The following FBN2 variants were observed in gnomAD, a reference collection of about 807,000 sequenced individuals.
FBN2 encodes the protein fibrillin 2.
Under a neutral mutation model 355.6 loss-of-function variants are expected in FBN2, and 105 were observed. The observed-to-expected ratio is 0.30, with a 90% CI of 0.25 to 0.35. The LOEUF (loss-of-function observed/expected upper bound fraction) is 0.35, where lower values mean the gene tolerates loss of function less well. Among genes scored for constraint, FBN2 ranks in the 10% least tolerant of loss-of-function variants. The pLI is 1.00. For missense variants in FBN2, 3,280 were observed against 3,758.7 expected (o/e 0.87, Z 3.33); for synonymous variants, 1,350 against 1,301.2 (o/e 1.04, Z -0.81).
chr5:128,328,651 G>A, intron 34 of FBN2, 45 bp downstream of exon 34: 1 of 1,609,718 alleles, frequency 6.2e-7, no homozygotes. Flanking sequence ...TTCATTTACT[G>A]TGGTTGATCC....
chr5:128,280,379 C>T (rs1765504237), intron 55 of FBN2, 62 bp from the exon 56 acceptor site: 4 of 1,288,532 alleles, frequency 3.1e-6, no homozygotes, highest in East Asian at 4.6e-5. Flanking sequence ...TACAAGCTAT[C>T]TTCTAATGGG....
chr5:128,338,739 G>A (rs538618293), intron 26 of FBN2, among the ~76,000 whole-genome samples, 194 bp downstream of exon 26: 72 of 152,256 alleles, frequency 4.7e-4, no homozygotes, highest in African/African-American at 1.0e-3. Flanking sequence ...CCATGAAGGC[G>A]CCAAGAGGTT....
In FBN2 at chr5:128,334,712, A is replaced by C. The variant is rs1750789192; in HGVS notation, c.4099+7T>G. 3.1e-6 allele frequency: 5 copies of C among 1,614,110 alleles called. No individual in the cohort carries two copies. Among genetic ancestry groups the C allele is most frequent in the Non-Finnish European group, 4.2e-6 (5 of 1,179,974 alleles). On this transcript the variant is annotated splice_region_variant and intron_variant, in intron 31 of 64. Transcript: ENST00000262464. ...TGAAATACAGAGAACACAAGCTTGA[A>C]ACCTACCTGTACATCCTGTGGTCCC...
intron 36 of FBN2, among the ~76,000 whole-genome samples, chr5:128,317,930 C>A (rs1024788076): frequency 3.9e-5 from 6 of 152,170 alleles, no homozygotes; most frequent in African/African-American, 1.2e-4. Flanking sequence ...AGCTCTGAGA[C>A]CTTGAACAAA....
intron 5 of FBN2, among the ~76,000 whole-genome samples, chr5:128,518,869 C>T (rs1235404498): frequency 6.6e-6 from 1 of 152,194 alleles, no homozygotes; most frequent in East Asian, 1.9e-4. Context: ...AAATGTTATA[C>T]ATTTCCTTAT....
intron 24 of FBN2, 132 bp from the exon 25 acceptor site, chr5:128,344,642 C>T: frequency 1.3e-6 from 1 of 775,620 alleles, no homozygotes; most frequent in Non-Finnish European, 2.3e-6. Flanking sequence ...CTAAATGTTT[C>T]AGTGATCACA....
intron 5 of FBN2, among the ~76,000 whole-genome samples, chr5:128,512,171 G>T (rs1756147295): frequency 1.3e-5 from 2 of 152,238 alleles, no homozygotes; most frequent in Admixed American, 6.5e-5. Context: ...ATGTCCCAGA[G>T]ATCCTGAAAC....
At chr5:128,376,909 C>T (rs746664195) in intron 13 of FBN2, 56 bp from the exon 14 acceptor site, 58 of 1,604,622 alleles carry the variant, frequency 3.6e-5, no homozygotes, top group Non-Finnish European at 4.7e-5. Context: ...CCAATTCCTT[C>T]TTCTTCCATA....
intron 18 of FBN2, among the ~76,000 whole-genome samples, chr5:128,362,639 A>AT (rs1054249476): frequency 6.6e-5 from 10 of 151,870 alleles, no homozygotes; most frequent in African/African-American, 1.9e-4. Context: ...ACTTAAAACA[A>AT]TTTTTTTTAG....
At chr5:128,522,112 A>G (rs997752498) in intron 4 of FBN2, among the ~76,000 whole-genome samples, 7 of 152,196 alleles carry the variant, frequency 4.6e-5, no homozygotes, top group Admixed American at 6.5e-5. Flanking sequence ...GGACCTCAAT[A>G]ATTTTTTAAA....
intron 5 of FBN2, among the ~76,000 whole-genome samples, chr5:128,500,019 A>G (rs1581351080): frequency 1.3e-5 from 2 of 152,276 alleles, no homozygotes; most frequent in East Asian, 3.9e-4. Flanking sequence ...AGTAATATGC[A>G]CTTAATAAAG....
intron 11 of FBN2, among the ~76,000 whole-genome samples, chr5:128,389,386 G>T (rs527251022): frequency 2.0e-5 from 3 of 152,332 alleles, no homozygotes; most frequent in African/African-American, 7.2e-5. Flanking sequence ...TGGCAAAGGA[G>T]CTATGGTGGT....
chr5:128,321,035 G>C (rs1750357477), intron 34 of FBN2, among the ~76,000 whole-genome samples: 2 of 152,120 alleles, frequency 1.3e-5, no homozygotes, highest in East Asian at 3.9e-4. Context: ...TTTACTTAAA[G>C]GGATCAATAA....
At chr5:128,315,919 C>A (rs550241396) in intron 36 of FBN2, among the ~76,000 whole-genome samples, 1 of 152,176 alleles carries the variant, frequency 6.6e-6, no homozygotes, top group African/African-American at 2.4e-5. Context: ...TCTGAAGACA[C>A]GTAGTCTGGG....
intron 2 of FBN2, among the ~76,000 whole-genome samples, chr5:128,534,416 G>A (rs1165007442): frequency 6.6e-6 from 1 of 152,174 alleles, no homozygotes; most frequent in Non-Finnish European, 1.5e-5. Flanking sequence ...TGAGACTCAT[G>A]CAATAGAATA....
chr5:128,369,505 T>C (rs1263732062), intron 15 of FBN2, among the ~76,000 whole-genome samples, 171 bp from the exon 16 acceptor site: 1 of 152,232 alleles, frequency 6.6e-6, no homozygotes, highest in Non-Finnish European at 1.5e-5. Context: ...TCAACAAATG[T>C]TTTCTGAGTG....
At chr5:128,262,125 A>G (rs1764991119) in intron 63 of FBN2, among the ~76,000 whole-genome samples, 3 of 152,194 alleles carry the variant, frequency 2.0e-5, no homozygotes. Flanking sequence ...GATCTTGCTC[A>G]CTGCAGCCTC....
At chr5:128,484,473 A>G (rs1292561890) in intron 5 of FBN2, among the ~76,000 whole-genome samples, 1 of 152,222 alleles carries the variant, frequency 6.6e-6, no homozygotes, top group Non-Finnish European at 1.5e-5. Context: ...ATCAACAAGA[A>G]AGACAAACAC....
At chr5:128,380,219 A>G (rs1752194112) in intron 11 of FBN2, among the ~76,000 whole-genome samples, 1 of 152,162 alleles carries the variant, frequency 6.6e-6, no homozygotes, top group Admixed American at 6.5e-5. Flanking sequence ...GAGAGAGAGC[A>G]TTAGCAAGCA....
Sources: allele counts gnomAD v4.1 joint callset (sites outside exome capture counted in the v4.1 genomes callset), GRCh38; gene constraint gnomAD v4.1.1; transcripts MANE v1.5; gene names NCBI Gene and HGNC (gene_info 2026-07-23, HGNC 2026-07-21).